PDE1C: variants seen among roughly 807,000 people sequenced by gnomAD.
The protein encoded by PDE1C is dual specificity calcium/calmodulin-dependent 3',5'-cyclic nucleotide phosphodiesterase 1C.
PDE1C carries 62 observed loss-of-function variants against 93.1 expected under a neutral mutation model. The observed-to-expected ratio is 0.67, with a 90% CI of 0.54 to 0.82. The LOEUF is 0.82. PDE1C is among the 40% of genes least tolerant of loss of function. The pLI is 0.00. For synonymous variants in PDE1C, 325 were observed against 310.1 expected (o/e 1.05, Z -0.50); for missense variants, 742 against 884.6 (o/e 0.84, Z 2.04).
At chr7:32,074,096 C>T (rs1323711645), upstream of PDE1C, among the ~76,000 whole-genome samples, 2 of 152,142 alleles carry the variant, frequency 1.3e-5, no homozygotes, top group African/African-American at 4.8e-5. Flanking sequence ...TGCAAATTCA[C>T]ACAGAGTAAC....
chr7:32,209,661 T>C, intron 1 of PDE1C: 1 of 788,918 alleles, frequency 1.3e-6, no homozygotes, highest in Non-Finnish European at 2.0e-6. Context: ...TCTTTGTAAG[T>C]GAATAAAAGC....
chr7:31,991,648 C>T (rs1037924533), intron 2 of PDE1C, among the ~76,000 whole-genome samples: 2 of 152,156 alleles, frequency 1.3e-5, no homozygotes, highest in African/African-American at 4.8e-5. Context: ...GCTTTCTGCA[C>T]CTGTTACCTA....
At chr7:32,391,587 G>A (rs1003113149) in intron 1 of PDE1C, among the ~76,000 whole-genome samples, 8 of 152,142 alleles carry the variant, frequency 5.3e-5, no homozygotes, top group Admixed American at 5.2e-4. Flanking sequence ...CAGACTACAT[G>A]CTAGGGCATA....
intron 2 of PDE1C, among the ~76,000 whole-genome samples, chr7:31,993,644 G>A (rs939356310): frequency 1.3e-5 from 2 of 152,166 alleles, no homozygotes; most frequent in African/African-American, 4.8e-5. Flanking sequence ...AAATCTTGCA[G>A]AAGCACAGAA....
At chr7:32,203,236 T>G (rs1299821935) in intron 2 of PDE1C, among the ~76,000 whole-genome samples, 1 of 151,812 alleles carries the variant, frequency 6.6e-6, no homozygotes, top group African/African-American at 2.4e-5. Context: ...TCTTCTTCTT[T>G]TTGTCTTCAT....
chr7:32,335,653 A>G (rs1045320776), intron 1 of PDE1C, among the ~76,000 whole-genome samples: 6 of 152,096 alleles, frequency 3.9e-5, no homozygotes, highest in Non-Finnish European at 1.5e-5. Context: ...CACCAATCAT[A>G]TTGGATTAGG....
chr7:32,346,062 G>A (rs1388840912), intron 1 of PDE1C, among the ~76,000 whole-genome samples: 1 of 152,054 alleles, frequency 6.6e-6, no homozygotes, highest in Non-Finnish European at 1.5e-5. Flanking sequence ...GCCCAAAACT[G>A]GAAACAACCT....
the PDE1C span, among the ~76,000 whole-genome samples, chr7:31,691,340 T>C: frequency 1.3e-5 from 2 of 152,224 alleles, no homozygotes; most frequent in Non-Finnish European, 2.9e-5. Flanking sequence ...TGTGTGTTCA[T>C]CTGCATGCTG....
intron 16 of PDE1C, chr7:31,785,991 T>C (rs2128647159): frequency 6.6e-6 from 1 of 152,354 alleles, no homozygotes; most frequent in Non-Finnish European, 1.5e-5. Flanking sequence ...AAATTATTAC[T>C]TTCCATTTGT....
intron 2 of PDE1C, among the ~76,000 whole-genome samples, chr7:32,006,663 C>G (rs750524697): frequency 6.6e-6 from 1 of 152,140 alleles, no homozygotes; most frequent in Non-Finnish European, 1.5e-5. Context: ...ATAGGCACAG[C>G]AGGAAACAAA....
chr7:32,340,124 G>C (rs538198403), intron 1 of PDE1C, among the ~76,000 whole-genome samples: 4 of 152,274 alleles, frequency 2.6e-5, no homozygotes, highest in East Asian at 3.9e-4. Context: ...ACTTACCAGA[G>C]TGGGAGCATT....
chr7:31,657,287 T>C, the PDE1C span, among the ~76,000 whole-genome samples: 2 of 152,162 alleles, frequency 1.3e-5, no homozygotes, highest in Non-Finnish European at 2.9e-5. Flanking sequence ...TGGTTTGTCA[T>C]GGCTCTGCCA....
At chr7:32,207,889 G>A (rs554325861) in intron 2 of PDE1C, among the ~76,000 whole-genome samples, 10 of 152,326 alleles carry the variant, frequency 6.6e-5, no homozygotes, top group South Asian at 6.2e-4. Flanking sequence ...GGACTCCCAT[G>A]GGGGAAGGGG....
At chr7:31,733,186 C>T in the PDE1C span, among the ~76,000 whole-genome samples, 1 of 152,196 alleles carries the variant, frequency 6.6e-6, no homozygotes, top group Admixed American at 6.5e-5. Context: ...CACCTCCTTG[C>T]CGTCACCTAA....
At chr7:31,836,497 G>A (rs1399729692) in intron 11 of PDE1C, among the ~76,000 whole-genome samples, 2 of 151,994 alleles carry the variant, frequency 1.3e-5, no homozygotes, top group African/African-American at 4.8e-5. Flanking sequence ...ACCACGCCCG[G>A]CTAATTTTTG....
intron 3 of PDE1C, among the ~76,000 whole-genome samples, chr7:32,122,888 G>C (rs1348438955): frequency 6.6e-6 from 1 of 152,096 alleles, no homozygotes; most frequent in Non-Finnish European, 1.5e-5. Context: ...AGGAGACAGA[G>C]ACATGGAAAA....
intron 1 of PDE1C, among the ~76,000 whole-genome samples, chr7:32,219,934 T>G (rs973244382): frequency 6.6e-6 from 1 of 152,214 alleles, no homozygotes; most frequent in South Asian, 2.1e-4. Context: ...TTCCCCATAC[T>G]GTTCTCATGG....
rs1554306796 is a variant in PDE1C, at chr7:32,327,789, A to AG, written c.310+100032_310+100033insC. Among the ~76,000 whole-genome samples the AG allele has an allele frequency of 7.0e-3, 932 of 132,280 alleles. 11 individuals carry two copies. The highest frequency in any genetic ancestry group is 0.025 in the African/African-American group (890 of 36,324). The allele number at this position is 132,280 out of a possible 152,430, so 86.8% of individuals were successfully genotyped here. On this transcript the variant is annotated intron_variant, in intron 1 of 1. Coordinates refer to the PDE1C transcript ENST00000672256. ...TGTCTCAAAAAAAAAAAAAAAAAAAAAGAGAATCATGTAGTGTGGCTTCTT... is the reference window on the plus strand; with the variant it reads ...TGTCTCAAAAAAAAAAAAAAAAAAAAGAGAGAATCATGTAGTGTGGCTTCTT...
At chr7:31,839,952 G>A (rs2128772131) in intron 9 of PDE1C, among the ~76,000 whole-genome samples, 1 of 152,282 alleles carries the variant, frequency 6.6e-6, no homozygotes, top group South Asian at 2.1e-4. Flanking sequence ...CAGGAGAATT[G>A]CTTGAACCTA....
Sources: gnomAD v4.1 joint callset for allele counts (sites outside exome capture counted in the v4.1 genomes callset) on GRCh38, gnomAD v4.1.1 for gene constraint, MANE v1.5 for transcripts, NCBI Gene and HGNC (gene_info 2026-07-23, HGNC 2026-07-21) for gene names.